ACVR2A: variants seen among roughly 807,000 people sequenced by gnomAD.
The protein encoded by ACVR2A is activin receptor type-2A.
A neutral mutation model predicts 61.4 loss-of-function variants in ACVR2A; 7 were observed. That is an observed-to-expected ratio of 0.11 (90% CI 0.06 to 0.21). ACVR2A has a LOEUF of 0.21. Among genes scored for constraint, ACVR2A ranks in the 10% least tolerant of loss-of-function variants. ACVR2A has a pLI of 1.00. For synonymous variants in ACVR2A, 193 were observed against 208.3 expected (o/e 0.93, Z 0.63); for missense variants, 322 against 621.7 (o/e 0.52, Z 5.13).
intron 9 of ACVR2A, chr2:147,925,823 A>G: frequency 2.1e-6 from 1 of 481,138 alleles, no homozygotes; most frequent in East Asian, 3.3e-5. Flanking sequence ...AGGGAATTAC[A>G]TGCCAAATTA....
chr2:147,845,244 T>TGCGGCCGCGGCGGCCGCTGCTG, intron 1 of ACVR2A, 37 bp downstream of exon 1: 2 of 1,595,870 alleles, frequency 1.3e-6, no homozygotes, highest in Non-Finnish European at 1.7e-6. Context: ...GGGCTGCTCC[T>TGCGGCCGCGGCGGCCGCTGCTG]GCGGCCGCGG....
At chr2:147,902,200 T>G (rs1376184032) in intron 4 of ACVR2A, among the ~76,000 whole-genome samples, 1 of 151,974 alleles carries the variant, frequency 6.6e-6, no homozygotes, top group African/African-American at 2.4e-5. Flanking sequence ...GGATGTTATG[T>G]TTTTAATAAG....
intron 1 of ACVR2A, among the ~76,000 whole-genome samples, chr2:147,894,889 T>C (rs1686690166): frequency 6.6e-6 from 1 of 152,098 alleles, no homozygotes; most frequent in Non-Finnish European, 1.5e-5. Flanking sequence ...GAGGCAACCA[T>C]TGTACAGTTG....
At chr2:147,897,585 T>C (rs1472319712) in intron 2 of ACVR2A, among the ~76,000 whole-genome samples, 1 of 152,130 alleles carries the variant, frequency 6.6e-6, no homozygotes, top group Non-Finnish European at 1.5e-5. Flanking sequence ...AAAGTACTGC[T>C]GTATACAGTG....
chr2:147,854,435 C>A lies in ACVR2A; in HGVS notation c.55+9228C>A, dbSNP rs1685520520. ...GATTCTCAAGTCTGTTTTTTAGGTACCAGCTACTTTAAGCTTTGAAAACAC... is the reference window on the plus strand; with the variant it reads ...GATTCTCAAGTCTGTTTTTTAGGTAACAGCTACTTTAAGCTTTGAAAACAC... On this transcript the variant is annotated intron_variant, in intron 1 of 10. Coordinates refer to ENST00000241416, the MANE Select transcript of ACVR2A (RefSeq NM_001616.5). Among the ~76,000 whole-genome samples the A allele has an allele frequency of 1.3e-5, 2 of 152,006 alleles. 1 individual carries two copies. Among genetic ancestry groups the A allele is most frequent in the South Asian group, 4.1e-4 (2 of 4,832 alleles).
chr2:147,851,088 T>G (rs1003311106), intron 1 of ACVR2A, among the ~76,000 whole-genome samples: 1 of 152,106 alleles, frequency 6.6e-6, no homozygotes, highest in South Asian at 2.1e-4. Context: ...TATCACTACT[T>G]CCTTTTCTTT....
At chr2:147,925,540 G>GT (rs1687481262) in intron 9 of ACVR2A, 1 of 151,934 alleles carries the variant, frequency 6.6e-6, no homozygotes, top group Admixed American at 6.6e-5. Flanking sequence ...GTAGAGAAGA[G>GT]GTATGACTCT....
chr2:147,916,501 A>G lies in ACVR2A; in HGVS notation c.673-782A>G, dbSNP rs573284300. ...ATAAAATGCAACATATAATACAACA[A>G]TTCTATAAGACAGACACTACAATGC... On this transcript the variant is annotated intron_variant, in intron 5 of 10. Coordinates refer to ENST00000241416, the MANE Select transcript of ACVR2A (RefSeq NM_001616.5). Among the ~76,000 whole-genome samples the G allele has an allele frequency of 7.7e-4, 117 of 152,022 alleles. 1 individual carries two copies. The highest frequency in any genetic ancestry group is 6.8e-3 in the Middle Eastern group (2 of 294).
intron 1 of ACVR2A, among the ~76,000 whole-genome samples, chr2:147,875,479 T>C (rs914427877): frequency 2.6e-5 from 4 of 151,936 alleles, no homozygotes; most frequent in African/African-American, 9.7e-5. Context: ...GAATCTCTTT[T>C]TTCCCCTGTG....
intron 1 of ACVR2A, 81 bp downstream of exon 1, chr2:147,845,288 T>A: frequency 7.2e-7 from 1 of 1,382,678 alleles, no homozygotes; most frequent in Non-Finnish European, 9.9e-7. Flanking sequence ...TGGTGTTGAG[T>A]CGGAGAGTCC....
intron 1 of ACVR2A, among the ~76,000 whole-genome samples, chr2:147,878,217 G>A (rs913056225): frequency 4.6e-5 from 7 of 152,048 alleles, no homozygotes; most frequent in African/African-American, 1.7e-4. Context: ...AGCTGGATTT[G>A]GAGGAAATGT....
In ACVR2A at chr2:147,896,289, A is replaced by G; in HGVS notation, c.56-12A>G. 1 of 1,598,920 alleles carries G rather than the reference A, an allele frequency of 6.3e-7. No individual in the cohort carries two copies. Among genetic ancestry groups the G allele is most frequent in the South Asian group, 1.1e-5 (1 of 89,904 alleles). On this transcript the variant is annotated splice_polypyrimidine_tract_variant and intron_variant, in intron 1 of 10. Coordinates refer to ENST00000241416, the MANE Select transcript of ACVR2A (RefSeq NM_001616.5). ...ATAATGTGGTTATATTATTGTTTTT[A>G]TTATCTTATAGGTGCTATACTTGGT...
At chr2:147,895,138 A>C (rs1686697061) in intron 1 of ACVR2A, among the ~76,000 whole-genome samples, 1 of 152,192 alleles carries the variant, frequency 6.6e-6, no homozygotes, top group African/African-American at 2.4e-5. Flanking sequence ...ATCTATTATA[A>C]AAAGTTAAAA....
chr2:147,880,533 T>A (rs1382530467), intron 1 of ACVR2A, among the ~76,000 whole-genome samples: 1 of 152,212 alleles, frequency 6.6e-6, no homozygotes, highest in Non-Finnish European at 1.5e-5. Flanking sequence ...ATCTTCTAGT[T>A]ACTTGTCTAT....
intron 4 of ACVR2A, among the ~76,000 whole-genome samples, chr2:147,909,144 T>C (rs1687058166): frequency 2.6e-5 from 4 of 152,152 alleles, no homozygotes; most frequent in African/African-American, 4.8e-5. Flanking sequence ...TTTTTCACCT[T>C]AACTGCTTCT....
At chr2:147,924,416 T>C (rs1018538806) in intron 9 of ACVR2A, among the ~76,000 whole-genome samples, 1 of 151,972 alleles carries the variant, frequency 6.6e-6, no homozygotes, top group African/African-American at 2.4e-5. Flanking sequence ...CCCCAGTACA[T>C]AGGTATTCAA....
rs1687545989 is a variant in ACVR2A, at chr2:147,928,019, AGT to A, written c.*748_*749del. 6.6e-6 allele frequency: 1 copy of A among 152,398 alleles called. No individual in the cohort carries two copies. The highest frequency in any genetic ancestry group is 6.6e-5 in the Admixed American group (1 of 15,202). 9.4% of individuals were successfully genotyped at this position (152,398 alleles called of 1,614,324 possible). ...AACAATAAGTGGCCATTCGTAAAGCAGTGTTTTAGCATTTCTTGTGCTGGCTT... is the reference window on the plus strand; with the variant it reads ...AACAATAAGTGGCCATTCGTAAAGCAGTTTTAGCATTTCTTGTGCTGGCTT... On this transcript the variant is annotated 3_prime_UTR_variant, in exon 11 of 11. Transcript: ENST00000241416.
At chr2:147,916,995 G>T (rs376115338) in intron 5 of ACVR2A, among the ~76,000 whole-genome samples, 1 of 151,834 alleles carries the variant, frequency 6.6e-6, no homozygotes, top group African/African-American at 2.4e-5. Flanking sequence ...AGTAACTTAC[G>T]TGTTGCCATT....
chr2:147,918,478 T>G lies in ACVR2A; in HGVS notation c.848T>G (p.Val283Gly). Residue 283 changes from valine to glycine, a missense_variant, in exon 7 of 11, where the codon GTG becomes GGG. By Grantham distance (109) the Val-to-Gly change is moderately radical. Transcript: ENST00000241416. The stretch of plus-strand genomic sequence containing the variant: ...CTATCAGACTTTCTTAAGGCTAATG[T>G]GGTCTCTTGGAATGAACTGTGTCAT... ...GSLSDFLKANVVSWNELCHIA... is the reference protein window; with the variant it reads ...GSLSDFLKANGVSWNELCHIA... 1 of 1,611,926 alleles carries G rather than the reference T, an allele frequency of 6.2e-7. No individual in the cohort carries two copies. Among genetic ancestry groups the G allele is most frequent in the Non-Finnish European group, 8.5e-7 (1 of 1,178,832 alleles).
Sources: gnomAD v4.1 joint callset for allele counts (sites outside exome capture counted in the v4.1 genomes callset) on GRCh38, gnomAD v4.1.1 for gene constraint, MANE v1.5 for transcripts, NCBI Gene and HGNC (gene_info 2026-07-23, HGNC 2026-07-21) for gene names.